The following ATRNL1 variants were observed in gnomAD, a reference collection of about 807,000 sequenced individuals.
ATRNL1 encodes attractin-like protein 1.
In ATRNL1, 95 loss-of-function variants were observed where a neutral mutation model predicts 182.7. The observed-to-expected ratio is 0.52, with a 90% confidence interval of 0.44 to 0.62. ATRNL1 has a LOEUF of 0.62. Among genes scored for constraint, ATRNL1 ranks in the 20% least tolerant of loss-of-function variants. The pLI, the probability that ATRNL1 is intolerant of heterozygous loss-of-function variation, is 0.00. For synonymous variants in ATRNL1, 576 were observed against 568.3 expected, an observed-to-expected ratio of 1.01 and a Z score of -0.19; for missense variants, 1,471 against 1,679.5, an observed-to-expected ratio of 0.88 and a Z score of 2.17.
chr10:115,199,432 C>A (rs1848475592), intron 8 of ATRNL1, among the ~76,000 whole-genome samples: 1 of 151,886 alleles, frequency 6.6e-6, no homozygotes, highest in African/African-American at 2.4e-5. Flanking sequence ...GGCGTAGTGG[C>A]ACGTGCCTTT....
chr10:115,588,936 A>G (rs782260997), intron 26 of ATRNL1, among the ~76,000 whole-genome samples: 1 of 152,166 alleles, frequency 6.6e-6, no homozygotes, highest in African/African-American at 2.4e-5. Context: ...CAGTTTTTGC[A>G]TTTTCCATGT....
chr10:115,540,268 C>T (rs1554991602), intron 25 of ATRNL1, among the ~76,000 whole-genome samples: 1 of 152,080 alleles, frequency 6.6e-6, no homozygotes, highest in African/African-American at 2.4e-5. Flanking sequence ...AGATAGAACT[C>T]TGCTTTGGGC....
intron 8 of ATRNL1, among the ~76,000 whole-genome samples, chr10:115,182,681 T>G (rs1847793649): frequency 6.6e-6 from 1 of 151,536 alleles, no homozygotes; most frequent in East Asian, 1.9e-4. Flanking sequence ...GGTGAATGAT[T>G]ACAGTAAGAC....
intron 25 of ATRNL1, among the ~76,000 whole-genome samples, chr10:115,534,078 C>T (rs1258871744): frequency 6.6e-6 from 1 of 151,954 alleles, no homozygotes; most frequent in South Asian, 2.1e-4. Context: ...AATGTATATT[C>T]TGTGGATTTG....
chr10:115,717,481 C>G (rs1947288497), intron 26 of ATRNL1, among the ~76,000 whole-genome samples: 1 of 145,102 alleles, frequency 6.9e-6, no homozygotes, highest in Non-Finnish European at 1.5e-5. Context: ...CTGTCTGTTT[C>G]TTGAATATTT....
chr10:115,251,705 C>T lies in ATRNL1; in HGVS notation c.1687+9980C>T, dbSNP rs76902634. On this transcript the variant is annotated intron_variant, in intron 10 of 28. Transcript: ENST00000355044. ...CATAGTGTATTGACTTCAGCATGTG[C>T]ACATTTTTAGACTTTTAATCACTGC... is the stretch of plus-strand genomic sequence containing the variant. 6.9e-3 allele frequency among the ~76,000 whole-genome samples: 1,049 copies of T among 152,114 alleles called. 8 individuals are homozygous for T. Among genetic ancestry groups the T allele is most frequent in the Non-Finnish European group, 0.011 (752 of 68,012 alleles).
At chr10:115,389,735 G>A (rs78322045) in intron 19 of ATRNL1, among the ~76,000 whole-genome samples, 2,071 of 151,130 alleles carry the variant, frequency 0.014, 53 homozygotes, top group African/African-American at 0.046. Context: ...GTTACTGGAC[G>A]ATATGGTAAT....
chr10:115,526,630 G>A (rs1851229742), intron 25 of ATRNL1, among the ~76,000 whole-genome samples: 1 of 152,156 alleles, frequency 6.6e-6, no homozygotes, highest in Non-Finnish European at 1.5e-5. Flanking sequence ...CTCTTAGCCT[G>A]CCAATCAGTG....
intron 27 of ATRNL1, among the ~76,000 whole-genome samples, chr10:115,790,277 A>G (rs1555081450): frequency 6.7e-6 from 1 of 150,130 alleles, no homozygotes; most frequent in African/African-American, 2.5e-5. Context: ...AAAAACTCTT[A>G]TTATTTGAAA....
At chr10:115,437,417 A>G (rs1846453187) in intron 21 of ATRNL1, among the ~76,000 whole-genome samples, 3 of 152,108 alleles carry the variant, frequency 2.0e-5, no homozygotes, top group African/African-American at 4.8e-5. Flanking sequence ...AGTGGCGGCA[A>G]TAGAGCATGA....
At chr10:115,603,085 C>T (rs1555016558) in intron 26 of ATRNL1, among the ~76,000 whole-genome samples, 2 of 152,094 alleles carry the variant, frequency 1.3e-5, no homozygotes, top group African/African-American at 4.8e-5. Context: ...TCTCCCAGCA[C>T]GTGGATGTTC....
chr10:115,389,883 G>A (rs1554953967), intron 19 of ATRNL1, among the ~76,000 whole-genome samples: 1 of 151,648 alleles, frequency 6.6e-6, no homozygotes, highest in African/African-American at 2.4e-5. Flanking sequence ...TTTGATAATA[G>A]CCACTTAAAC....
At chr10:115,691,767 C>T (rs1946402140) in intron 26 of ATRNL1, among the ~76,000 whole-genome samples, 1 of 152,006 alleles carries the variant, frequency 6.6e-6, no homozygotes, top group South Asian at 2.1e-4. Context: ...AGTTCCTTTG[C>T]TCATTTTTAA....
intron 27 of ATRNL1, among the ~76,000 whole-genome samples, chr10:115,781,892 A>G (rs187504211): frequency 6.6e-6 from 1 of 152,302 alleles, no homozygotes; most frequent in African/African-American, 2.4e-5. Context: ...AGATTGGGTA[A>G]TTATGGTCAG....
chr10:115,672,267 G>A (rs1367020630), intron 26 of ATRNL1, among the ~76,000 whole-genome samples: 1 of 152,012 alleles, frequency 6.6e-6, no homozygotes, highest in Admixed American at 6.6e-5. Flanking sequence ...GGAAGCTCAG[G>A]GGTTAAGTGA....
intron 27 of ATRNL1, among the ~76,000 whole-genome samples, chr10:115,846,051 T>C (rs991988621): frequency 2.0e-5 from 3 of 152,108 alleles, no homozygotes. Flanking sequence ...TCTATGTACT[T>C]ATGCTGATTT....
chr10:115,590,830 A>T (rs934355417), intron 26 of ATRNL1, among the ~76,000 whole-genome samples: 1 of 152,182 alleles, frequency 6.6e-6, no homozygotes, highest in South Asian at 2.1e-4. Context: ...GAATACTAGC[A>T]TTTCTGAACT....
intron 5 of ATRNL1, among the ~76,000 whole-genome samples, chr10:115,155,240 C>G (rs1452144087): frequency 1.4e-5 from 2 of 144,024 alleles, no homozygotes; most frequent in Admixed American, 6.9e-5. Flanking sequence ...CTTTTTTTTT[C>G]TTTTTAAAAA....
intron 19 of ATRNL1, among the ~76,000 whole-genome samples, chr10:115,348,614 G>A (rs1564939447): frequency 6.6e-6 from 1 of 152,004 alleles, no homozygotes; most frequent in Non-Finnish European, 1.5e-5. Flanking sequence ...TATGTTATTT[G>A]CAATGAAGGA....
Sources: gnomAD v4.1 joint callset for allele counts (sites outside exome capture counted in the v4.1 genomes callset) on GRCh38, gnomAD v4.1.1 for gene constraint, MANE v1.5 for transcripts, NCBI Gene and HGNC (gene_info 2026-07-23, HGNC 2026-07-21) for gene names.